RUSC1: variants seen among roughly 807,000 people sequenced by gnomAD.
RUSC1 encodes AP-4 complex accessory subunit RUSC1.
A neutral mutation model predicts 72.1 loss-of-function variants in RUSC1; 40 were observed. That is an observed-to-expected ratio of 0.55 (90% CI 0.43 to 0.72). The LOEUF is 0.72. Ranked by LOEUF, RUSC1 falls within the 30% of genes least tolerant of loss-of-function variation. RUSC1 has a pLI of 0.00. For synonymous variants in RUSC1, 512 were observed against 494.2 expected, an observed-to-expected ratio of 1.04 and a Z score of -0.48; for missense variants, 1,092 against 1,172.3, an observed-to-expected ratio of 0.93 and a Z score of 1.00.
Position 155,328,149 on chromosome 1 carries a change from G to A in RUSC1, c.2415-1G>A. 1 of 1,612,086 alleles carries A rather than the reference G, an allele frequency of 6.2e-7. No individual in the cohort carries two copies. The highest frequency in any genetic ancestry group is 8.5e-7 in the Non-Finnish European group (1 of 1,179,058). Reference sequence around the variant, plus strand: ...CTGTGACCCTATGTCCCTTCTTTTAGGAGACCATCTAGCTGGCTGCCCCCG... The same window carrying A: ...CTGTGACCCTATGTCCCTTCTTTTAAGAGACCATCTAGCTGGCTGCCCCCG... On this transcript the variant is annotated splice_acceptor_variant, in intron 8 of 9. Transcript: ENST00000368352. LOFTEE classifies it high-confidence loss of function.
chr1:155,328,917 G>C (rs921768182), intron 9 of RUSC1, among the ~76,000 whole-genome samples: 2 of 151,978 alleles, frequency 1.3e-5, no homozygotes, highest in Admixed American at 1.3e-4. Context: ...ATTTTTAGTA[G>C]AAACGGGGTT....
intron 2 of RUSC1, chr1:155,324,586 A>C (rs1049314054): frequency 2.6e-6 from 4 of 1,566,450 alleles, no homozygotes; most frequent in Non-Finnish European, 3.4e-6. Flanking sequence ...GGGATCCTGG[A>C]GGTGGGGGCT....
At chr1:155,324,200 G>A (rs1053545851) in intron 2 of RUSC1, 89 of 1,407,080 alleles carry the variant, frequency 6.3e-5, no homozygotes, top group Non-Finnish European at 7.3e-5. Flanking sequence ...TGCTAGGGAG[G>A]GGTGGAGGGT....
chr1:155,330,306 G>A (rs35117735), intron 9 of RUSC1, 97 bp from the exon 10 acceptor site: 22,789 of 1,239,474 alleles, frequency 0.018, 287 homozygotes, highest in Non-Finnish European at 0.023. Flanking sequence ...AATGTCCACT[G>A]AGCCAAACCA....
At position 155,321,757 on chromosome 1, in the gene RUSC1, C is replaced by G. The variant is rs1250693394; in HGVS notation, c.-17C>G. The G allele has an allele frequency of 9.3e-6, 15 of 1,613,602 alleles. No individual in the cohort carries two copies. The highest frequency in any genetic ancestry group is 1.2e-5 in the Non-Finnish European group (14 of 1,179,892). On this transcript the variant is annotated 5_prime_UTR_variant, in exon 2 of 10. Transcript: ENST00000368352. ...CCCTTCTGGTTCTCTAGAAGCCATC[C>G]CATCGCCGCTAGCATCATGCTGTCC... is the stretch of plus-strand genomic sequence containing the variant.
At chr1:155,328,395 G>C (rs941377970) in intron 9 of RUSC1, 120 bp downstream of exon 9, 2 of 1,071,132 alleles carry the variant, frequency 1.9e-6, no homozygotes, top group East Asian at 5.6e-5. Context: ...GTGCATTGCA[G>C]CTTTTCTATT....
rs377290923 is a variant in RUSC1, at chr1:155,322,679, C to A, written c.906C>A (p.Asp302Glu). The change falls in exon 2 of 10, where the codon GAC becomes GAA. Residue 302 changes from aspartate (D) to glutamate (E), a missense_variant. Asp to Glu is a conservative substitution (Grantham distance 45, BLOSUM62 2). Transcript: ENST00000368352. The stretch of plus-strand genomic sequence containing the variant: ...AAATTGATGGAGGATGGAGAAGTGA[C>A]GTCAGCGAGGAGCCGGTGCCCCACC... Reference protein sequence around the residue: ...AGKIDGGWRSDVSEEPVPHRT... With the variant: ...AGKIDGGWRSEVSEEPVPHRT... 4 of 1,614,134 alleles carry A rather than the reference C, an allele frequency of 2.5e-6. No individual in the cohort carries two copies. The African/African-American group carries it at 5.3e-5, about 22-fold the overall frequency.
At chr1:155,321,577 C>G in intron 1 of RUSC1, 111 bp from the exon 2 acceptor site, 1 of 1,292,580 alleles carries the variant, frequency 7.7e-7, no homozygotes, top group Admixed American at 2.5e-5. Flanking sequence ...ATTGAAATAT[C>G]TTCCAAAGCA....
chr1:155,321,466 T>G, intron 1 of RUSC1: 1 of 1,452,966 alleles, frequency 6.9e-7, no homozygotes, highest in East Asian at 3.3e-5. Flanking sequence ...CGCAGCCGCG[T>G]TCTCTGACCC....
chr1:155,325,641 C>G lies in RUSC1; in HGVS notation c.1783C>G (p.Arg595Gly). The change falls in exon 6 of 10, where the codon CGC becomes GGC. Residue 595 changes from arginine to glycine, a missense_variant. Arg to Gly is a moderately radical substitution (Grantham distance 125). Transcript: ENST00000368352. This position sits in a 1 kb window ranked among gnomAD's most constrained non-coding sequence, Gnocchi z 6.5. ...RLAPLSSSRS[R>G]FHAFILGLLN... ...AGCCCCGCTGAGCAGCAGCCGTAGC[C>G]GCTTCCATGCCTTTATCCTGGGCCT... 1 of 1,613,754 alleles carries G rather than the reference C, an allele frequency of 6.2e-7. No individual in the cohort carries two copies. Among genetic ancestry groups the G allele is most frequent in the Non-Finnish European group, 8.5e-7 (1 of 1,180,010 alleles).
rs149576841 is a variant in RUSC1 at position 155,330,766 on chromosome 1, A to C, written c.*195A>C. 1.3e-3 allele frequency: 661 copies of C among 518,886 alleles called. 4 individuals carry two copies. The highest frequency in any genetic ancestry group is 0.012 in the African/African-American group (602 of 50,678). 32.1% of individuals were successfully genotyped at this position (518,886 alleles called of 1,614,324 possible). On this transcript the variant is annotated 3_prime_UTR_variant, in exon 10 of 10. Transcript: ENST00000368352. Reference sequence around the variant, plus strand: ...TAAGGTGAAATCTGCTCTTCTTCCAAATATATAAAAAAGGAATTGCCCTCC... The same window carrying C: ...TAAGGTGAAATCTGCTCTTCTTCCACATATATAAAAAAGGAATTGCCCTCC...
Position 155,330,755 on chromosome 1 carries a change from C to A in RUSC1, c.*184C>A. 1 of 527,654 alleles carries A rather than the reference C, an allele frequency of 1.9e-6. No homozygotes were observed. Among genetic ancestry groups the A allele is most frequent in the South Asian group, 3.0e-5 (1 of 33,656 alleles). The allele number at this position is 527,654 out of a possible 1,614,324, so 32.7% of individuals were successfully genotyped here. On this transcript the variant is annotated 3_prime_UTR_variant, in exon 10 of 10. Transcript: ENST00000368352. The stretch of plus-strand genomic sequence containing the variant: ...ATACCCACCTGTAAGGTGAAATCTG[C>A]TCTTCTTCCAAATATATAAAAAAGG...
chr1:155,324,374 C>T lies in RUSC1; in HGVS notation c.1358-471C>T, dbSNP rs751072285. ...GCCTCCCAATCCTCGGGTCTCGCCT[C>T]CCTCCGTCTCCTCCCTTTCCCCTGT... On this transcript the variant is annotated intron_variant, in intron 2 of 9. Coordinates refer to ENST00000368352, the MANE Select transcript of RUSC1 (RefSeq NM_001105203.2). 20 of 1,611,214 alleles carry T rather than the reference C, an allele frequency of 1.2e-5. No individual in the cohort carries two copies. In the African/African-American group the frequency reaches 2.4e-4, roughly 19 times the overall value.
In RUSC1 at chr1:155,325,421, C is replaced by T. The variant is rs775733077; in HGVS notation, c.1639C>T (p.Arg547Trp). The change falls in exon 5 of 10, where the codon CGG (arginine) becomes TGG (tryptophan). Residue 547 changes from arginine to tryptophan, a missense_variant. Physicochemically the swap from Arg to Trp is moderately radical, Grantham distance 101. Coordinates refer to ENST00000368352, the MANE Select transcript of RUSC1 (RefSeq NM_001105203.2). The surrounding 1 kb of genome is among the most constrained non-coding windows in gnomAD (Gnocchi z 6.5). Reference sequence around the variant, plus strand: ...GGTGGCGGACGGGCTGAAGCCTTTCCGGAAGGACCTCATCACCGGGCAGCG... The same window carrying T: ...GGTGGCGGACGGGCTGAAGCCTTTCTGGAAGGACCTCATCACCGGGCAGCG... ...ALVADGLKPF[R>W]KDLITGQRRS... 6 of 1,591,854 alleles carry T rather than the reference C, an allele frequency of 3.8e-6. No homozygotes were observed. Among genetic ancestry groups the T allele is most frequent in the Non-Finnish European group, 5.1e-6 (6 of 1,173,416 alleles).
Position 155,326,840 on chromosome 1 carries a change from G to A in RUSC1, c.2122G>A (p.Gly708Arg), listed in dbSNP as rs761905441. The A allele has an allele frequency of 1.9e-6, 3 of 1,613,594 alleles. No homozygotes were observed. The highest frequency in any genetic ancestry group is 1.7e-6 in the Non-Finnish European group (2 of 1,180,046). Residue 708 changes from glycine (G) to arginine (R), a missense_variant, in exon 8 of 10, where the codon GGG becomes AGG. Gly to Arg is a moderately radical substitution (Grantham distance 125, BLOSUM62 -2). Transcript: ENST00000368352. This position sits in a 1 kb window ranked among gnomAD's most constrained non-coding sequence, Gnocchi z 4.7. Reference sequence around the variant, plus strand: ...GGGCCGGCTGGCCCAGAGCCTTCGGGGGACTTCCAAGGAAGCTGCTTCAGA... The same window carrying A: ...GGGCCGGCTGGCCCAGAGCCTTCGGAGGACTTCCAAGGAAGCTGCTTCAGA... The part of the protein sequence containing the change: ...FGGRLAQSLR[G>R]TSKEAASDPS...
chr1:155,328,571 A>T (rs1000097114), intron 9 of RUSC1, among the ~76,000 whole-genome samples: 1 of 151,306 alleles, frequency 6.6e-6, no homozygotes, highest in Non-Finnish European at 1.5e-5. Flanking sequence ...CTGGGACTAC[A>T]GGTGCCCACC....
Position 155,325,191 on chromosome 1 carries a change from G to C in RUSC1, c.1533+13G>C. The stretch of plus-strand genomic sequence containing the variant: ...CTTGGTGCAGAAGGTGAAGGTGGCT[G>C]GGGGGAGGCTGTTGGGATGAGGAGA... On this transcript the variant is annotated intron_variant, in intron 4 of 9. Transcript: ENST00000368352. This position sits in a 1 kb window ranked among gnomAD's most constrained non-coding sequence, Gnocchi z 6.5. 1.9e-6 allele frequency: 3 copies of C among 1,614,074 alleles called. No homozygotes were observed. The highest frequency in any genetic ancestry group is 1.1e-5 in the South Asian group (1 of 91,080).
intron 8 of RUSC1, 55 bp downstream of exon 8, chr1:155,327,187 CG>C (rs1391932172): frequency 1.3e-5 from 20 of 1,500,766 alleles, no homozygotes; most frequent in Non-Finnish European, 1.7e-5. Context: ...GATCTCCTAG[CG>C]GCTTCATTTG....
At chr1:155,324,347 C>A in intron 2 of RUSC1, 1 of 1,601,718 alleles carries the variant, frequency 6.2e-7, no homozygotes, top group Non-Finnish European at 8.5e-7. Flanking sequence ...CGGCGCCTTC[C>A]AGCCTCCCAA....
Sources: allele counts gnomAD v4.1 joint callset (sites outside exome capture counted in the v4.1 genomes callset), GRCh38; gene constraint gnomAD v4.1.1; non-coding constraint Gnocchi (gnomAD v3.1); transcripts MANE v1.5; gene names NCBI Gene and HGNC (gene_info 2026-07-23, HGNC 2026-07-21).